Variants in RIF1 observed in about 807,000 individuals in gnomAD.
RIF1 encodes replication timing regulatory factor 1.
RIF1 carries 45 observed loss-of-function variants against 247.1 expected under a neutral mutation model. The ratio of observed to expected loss-of-function variants is 0.18; its 90% CI spans 0.14 to 0.23. RIF1 has a LOEUF of 0.23. Among genes scored for constraint, RIF1 ranks in the 10% least tolerant of loss-of-function variants. The pLI is 1.00. For missense variants in RIF1, 2,967 were observed against 2,862.5 expected, an observed-to-expected ratio of 1.04 and a Z score of -0.83; for synonymous variants, 1,087 against 978.8, an observed-to-expected ratio of 1.11 and a Z score of -2.06.
At chr2:151,526,112 C>T in the RIF1 span, 2 of 1,611,008 alleles carry the variant, frequency 1.2e-6, no homozygotes, top group Non-Finnish European at 1.7e-6. Flanking sequence ...CTGCCTGGGG[C>T]GTTCTCCCAA....
At chr2:151,506,619 C>A (rs1182818522) in intron 13 of RIF1, among the ~76,000 whole-genome samples, 1 of 152,148 alleles carries the variant, frequency 6.6e-6, no homozygotes, top group Non-Finnish European at 1.5e-5. Context: ...CAAAAGAAAT[C>A]ACAATGTCAA....
chr2:151,467,621 G>A (rs1697150647), intron 30 of RIF1, among the ~76,000 whole-genome samples: 2 of 152,144 alleles, frequency 1.3e-5, no homozygotes, highest in African/African-American at 4.8e-5. Flanking sequence ...GGGATTACAG[G>A]TGCGAGCCAC....
In RIF1 at chr2:151,468,634, T is replaced by C; in HGVS notation, c.6826-7T>C. On this transcript the variant is annotated splice_region_variant and splice_polypyrimidine_tract_variant and intron_variant, in intron 32 of 35. Transcript: ENST00000444746. The stretch of plus-strand genomic sequence containing the variant: ...TCTGTGTAACAGCTTCTGAAATTTA[T>C]TCTAAGATTTCAGAAATGGCCAAAG... 1 of 1,610,070 alleles carries C rather than the reference T, an allele frequency of 6.2e-7. No individual in the cohort carries two copies. The highest frequency in any genetic ancestry group is 8.5e-7 in the Non-Finnish European group (1 of 1,176,280).
At chr2:151,427,972 G>A (rs191064346) in intron 8 of RIF1, among the ~76,000 whole-genome samples, 81 of 152,072 alleles carry the variant, frequency 5.3e-4, no homozygotes, top group Non-Finnish European at 8.4e-4. Context: ...CAGGAGAGTC[G>A]CTTAAACCTG....
chr2:151,504,359 A>T lies in RIF1; in HGVS notation c.*861+1174A>T, dbSNP rs376037403. ...TACTCTTCACCCAACAAAGCAGCAGAATTGATCTCGGACAACAGCACAAAG... is the reference window on the plus strand; with the variant it reads ...TACTCTTCACCCAACAAAGCAGCAGTATTGATCTCGGACAACAGCACAAAG... On this transcript the variant is annotated intron_variant and NMD_transcript_variant, in intron 12 of 13. Coordinates refer to the RIF1 transcript ENST00000454583. 4.6e-5 allele frequency among the ~76,000 whole-genome samples: 7 copies of T among 152,236 alleles called. No individual in the cohort carries two copies. The East Asian group carries it at 1.2e-3, about 25-fold the overall frequency.
intron 20 of RIF1, among the ~76,000 whole-genome samples, chr2:151,450,654 G>A (rs1488611643): frequency 6.6e-6 from 1 of 152,008 alleles, no homozygotes; most frequent in Non-Finnish European, 1.5e-5. Flanking sequence ...TGTGAACTCG[G>A]CTCACTGCAG....
rs1686167872 is a variant in RIF1 at position 151,411,338 on chromosome 2, G to C, written c.183G>C (p.Lys61Asn). The C allele has an allele frequency of 1.9e-6, 3 of 1,544,272 alleles. No homozygotes were observed. Among genetic ancestry groups the C allele is most frequent in the African/African-American group, 1.4e-5 (1 of 72,076 alleles). The stretch of plus-strand genomic sequence containing the variant: ...TTCCTCGGCTGTACAAAGTTTTAAA[G>C]GTATGTATCTGTTTGTTAAACAGTT... ...KKLPRLYKVL[K>N]THISSQNSEL... The change falls in exon 3 of 36, where the codon AAG (lysine) becomes AAC (asparagine). Residue 61 changes from lysine (K) to asparagine (N), a missense_variant and splice_region_variant. Around this residue, in one of 7 missense-constraint regions of RIF1, gnomAD observed 269 missense variants for 288.6 expected, o/e 0.93. Coordinates refer to ENST00000444746, the MANE Select transcript of RIF1 (RefSeq NM_018151.5).
chr2:151,468,566 AG>A lies in RIF1; in HGVS notation c.6825+16del. 1 of 1,607,004 alleles carries A rather than the reference AG, an allele frequency of 6.2e-7. No homozygotes were observed. The highest frequency in any genetic ancestry group is 8.5e-7 in the Non-Finnish European group (1 of 1,173,570). On this transcript the variant is annotated intron_variant, in intron 32 of 35. Transcript: ENST00000444746. ...AGAAGTGTTTAGTAAGAAGTGCTTT[AG>A]TTTTCATGTCACTTTATATTTTCAT...
At position 151,415,345 on chromosome 2, in the gene RIF1, C is replaced by CAA. The variant is rs34015306; in HGVS notation, c.280+437_280+438dup. ...CTGGGTGATAAGTGAGACCCCATCT[C>CAA]AAAAAAAAAAAAGAATGTTTAGATT... On this transcript the variant is annotated intron_variant, in intron 4 of 35. Transcript: ENST00000444746. Among the ~76,000 whole-genome samples, 37 of 136,588 alleles carry CAA rather than the reference C, an allele frequency of 2.7e-4. No individual in the cohort carries two copies. The East Asian group carries it at 3.7e-3, about 14-fold the overall frequency. 89.6% of individuals were successfully genotyped at this position (136,588 alleles called of 152,430 possible). A position where few individuals can be genotyped will look rare whatever the true frequency, so the allele number is the denominator to read the frequency against.
chr2:151,415,663 C>T (rs974890189), intron 4 of RIF1, among the ~76,000 whole-genome samples: 1 of 150,788 alleles, frequency 6.6e-6, no homozygotes, highest in Admixed American at 6.7e-5. Flanking sequence ...CACCTAAGGT[C>T]GGGAGTTCGA....
chr2:151,420,492 G>A, intron 7 of RIF1, 113 bp downstream of exon 7: 2 of 978,814 alleles, frequency 2.0e-6, no homozygotes, highest in Non-Finnish European at 3.0e-6. Context: ...TAGTCCCAAA[G>A]CGGGAGGCTG....
At chr2:151,433,350 G>T (rs1367659993) in intron 10 of RIF1, 122 bp downstream of exon 10, 1 of 596,896 alleles carries the variant, frequency 1.7e-6, no homozygotes, top group Non-Finnish European at 2.7e-6. Flanking sequence ...CATATAAAAG[G>T]TCTTTCACTT....
At chr2:151,519,184 A>G in the RIF1 span, 12 of 737,956 alleles carry the variant, frequency 1.6e-5, no homozygotes, top group South Asian at 1.9e-4. Flanking sequence ...GTGATGAAAA[A>G]TCATACCTCA....
rs780248029 is a variant in RIF1 at position 151,463,355 on chromosome 2, A to G, written c.3835A>G (p.Lys1279Glu). The G allele has an allele frequency of 1.6e-5, 26 of 1,613,818 alleles. No homozygotes were observed. Among genetic ancestry groups the G allele is most frequent in the Non-Finnish European group, 2.1e-5 (25 of 1,179,970 alleles). ...GACTTTTTCAAAATCTGATTCTGAA[A>G]AAATAGTGAATGGAACTAAGAGATC... Reference protein sequence around the residue: ...EGTFSKSDSEKIVNGTKRSSR... With the variant: ...EGTFSKSDSEEIVNGTKRSSR... The change falls in exon 30 of 36, where the codon AAA becomes GAA. Residue 1279 changes from lysine (K) to glutamate (E), a missense_variant. By Grantham distance (56) the Lys-to-Glu change is moderately conservative (BLOSUM62 1). Transcript: ENST00000444746.
Position 151,443,505 on chromosome 2 carries a change from C to G in RIF1, c.1806-24C>G, listed in dbSNP as rs775676608. 25 of 1,527,660 alleles carry G rather than the reference C, an allele frequency of 1.6e-5. No homozygotes were observed. In the South Asian group the frequency reaches 2.9e-4, roughly 17 times the overall value. The allele number at this position is 1,527,660 out of a possible 1,614,324, so 94.6% of individuals were successfully genotyped here. ...ATATATTCCTGCCAAAAAGTTGATG[C>G]ATTTTTTATAATTTTTTGTTCAGGT... On this transcript the variant is annotated intron_variant, in intron 17 of 35. Transcript: ENST00000444746.
chr2:151,518,383 A>G, the RIF1 span: 2 of 1,612,354 alleles, frequency 1.2e-6, no homozygotes, highest in Middle Eastern at 1.7e-4. Context: ...ATGGTGTGGT[A>G]GTGGCCTTTA....
At position 151,507,153 on chromosome 2, in the gene RIF1, A is replaced by G. The variant is rs189177176; in HGVS notation, c.*1028-576A>G. On this transcript the variant is annotated intron_variant and NMD_transcript_variant, in intron 13 of 13. Coordinates refer to the RIF1 transcript ENST00000454583. Reference sequence around the variant, plus strand: ...CACAATAATTATGGTCTGGTAGCCCAAGGGAAATTATTTGATAAGAATTTT... The same window carrying G: ...CACAATAATTATGGTCTGGTAGCCCGAGGGAAATTATTTGATAAGAATTTT... 1.6e-3 allele frequency: 932 copies of G among 578,270 alleles called. 12 individuals carry two copies. The African/African-American group carries it at 0.017, about 10-fold the overall frequency. The allele number at this position is 578,270 out of a possible 1,614,324, so 35.8% of individuals were successfully genotyped here. A position where few individuals can be genotyped will look rare whatever the true frequency, so the allele number is the denominator to read the frequency against.
the RIF1 span, chr2:151,531,935 T>C: frequency 7.5e-7 from 1 of 1,341,450 alleles, no homozygotes; most frequent in Non-Finnish European, 1.1e-6. Flanking sequence ...TAAGAAGTTG[T>C]AGAGTGGGCT....
At chr2:151,518,890 T>C in the RIF1 span, 2 of 909,986 alleles carry the variant, frequency 2.2e-6, no homozygotes, top group Non-Finnish European at 3.6e-6. Flanking sequence ...GAGAAGAAGA[T>C]GCATCTGGGC....
Sources: gnomAD v4.1 joint callset for allele counts (sites outside exome capture counted in the v4.1 genomes callset) on GRCh38, gnomAD v4.1.1 for gene constraint, gnomAD v4.1.1 regional missense constraint, MANE v1.5 for transcripts, NCBI Gene and HGNC (gene_info 2026-07-23, HGNC 2026-07-21) for gene names.